Variants in MGST1 observed in about 807,000 individuals in gnomAD.
MGST1 encodes glutathione S-transferase 12.
In MGST1, 5 loss-of-function variants were observed where a neutral mutation model predicts 8.9. That is an observed-to-expected ratio of 0.56 (90% CI 0.29 to 1.19). The LOEUF (loss-of-function observed/expected upper bound fraction) is 1.19, where lower values mean the gene tolerates loss of function less well. MGST1 is among the 50% of genes most tolerant of loss of function. The pLI, the probability that MGST1 is intolerant of heterozygous loss-of-function variation, is 0.08. For missense variants in MGST1, 182 were observed against 187.4 expected, an observed-to-expected ratio of 0.97 and a Z score of 0.17; for synonymous variants, 54 against 67.8, an observed-to-expected ratio of 0.80 and a Z score of 1.00.
At chr12:16,578,336 A>G (rs1943056853) in intron 4 of MGST1, among the ~76,000 whole-genome samples, 1 of 152,164 alleles carries the variant, frequency 6.6e-6, no homozygotes, top group South Asian at 2.1e-4. Flanking sequence ...CCTGAACAAT[A>G]TAAATTAAAA....
intron 1 of MGST1, chr12:16,399,713 T>C (rs1940636562): frequency 8.0e-7 from 1 of 1,252,148 alleles, no homozygotes; most frequent in South Asian, 1.2e-5. Flanking sequence ...CAATGGTCTT[T>C]ATTGCTTTAG....
rs138038119 is a variant in MGST1 at position 16,541,890 on chromosome 12, A to G, written n.483-47638A>G. On this transcript the variant is annotated intron_variant and non_coding_transcript_variant, in intron 4 of 4. Coordinates refer to the MGST1 transcript ENST00000538857. ...GCAGGGGTTGCTTTTGACTACATGT[A>G]ACAGAAACCCAACCAGAGTAACAAA... is the stretch of plus-strand genomic sequence containing the variant. 3.5e-3 allele frequency among the ~76,000 whole-genome samples: 536 copies of G among 152,308 alleles called. 4 individuals carry two copies. The highest frequency in any genetic ancestry group is 0.013 in the African/African-American group (525 of 41,548).
intron 4 of MGST1, among the ~76,000 whole-genome samples, chr12:16,575,357 T>C (rs1333435456): frequency 2.0e-5 from 3 of 152,210 alleles, no homozygotes; most frequent in African/African-American, 7.2e-5. Flanking sequence ...CCAAGTCCTC[T>C]CTGATAATGA....
chr12:16,542,347 A>G (rs11056992), intron 4 of MGST1, among the ~76,000 whole-genome samples: 59,382 of 151,960 alleles, frequency 0.39, 12,294 homozygotes, highest in Non-Finnish European at 0.48. Flanking sequence ...CTCTAATCAA[A>G]AGCATTTATT....
rs866886412 is a variant in MGST1, at chr12:16,513,356, G to A, written n.483-76172G>A. On this transcript the variant is annotated intron_variant and non_coding_transcript_variant, in intron 4 of 4. Transcript: ENST00000538857. This position sits in a 1 kb window ranked among gnomAD's most constrained non-coding sequence, Gnocchi z 4.2. ...GAATTTTATGCTTGCCCTCTGCTCCGTCCTGCGTCTGCCCACTGCCCTCCT... is the reference window on the plus strand; with the variant it reads ...GAATTTTATGCTTGCCCTCTGCTCCATCCTGCGTCTGCCCACTGCCCTCCT... 2.6e-5 allele frequency: 9 copies of A among 346,182 alleles called. No individual in the cohort carries two copies. Among genetic ancestry groups the A allele is most frequent in the African/African-American group, 6.5e-5 (3 of 46,236 alleles). The allele number at this position is 346,182 out of a possible 1,614,324, so 21.4% of individuals were successfully genotyped here.
chr12:16,378,978 G>A (rs557593573), downstream of MGST1, among the ~76,000 whole-genome samples: 132 of 152,210 alleles, frequency 8.7e-4, no homozygotes, highest in African/African-American at 2.9e-3. Context: ...GAATGCTTGT[G>A]ATTTTTGCAC....
chr12:16,480,756 AT>A (rs769670026), intron 4 of MGST1, among the ~76,000 whole-genome samples: 2 of 151,754 alleles, frequency 1.3e-5, no homozygotes, highest in African/African-American at 4.8e-5. Context: ...TCTCTCACAT[AT>A]TTTTTTTGTT....
chr12:16,426,520 C>T (rs1424794195), intron 1 of MGST1, among the ~76,000 whole-genome samples: 3 of 152,162 alleles, frequency 2.0e-5, no homozygotes, highest in Admixed American at 1.3e-4. Context: ...TTCACTTCCT[C>T]AATCATCCAA....
chr12:16,470,547 G>A (rs1941284304), intron 4 of MGST1, among the ~76,000 whole-genome samples: 1 of 152,184 alleles, frequency 6.6e-6, no homozygotes, highest in Non-Finnish European at 1.5e-5. Flanking sequence ...TGTAATTTGT[G>A]TTGTGTTGAT....
At chr12:16,514,370 G>T in intron 4 of MGST1, 1 of 292,824 alleles carries the variant, frequency 3.4e-6, no homozygotes, top group South Asian at 3.3e-5. Context: ...CTACCATTCT[G>T]AATGCTCCAG....
rs778430378 is a variant in MGST1 at position 16,587,302 on chromosome 12, G to A, written n.483-2226G>A. Reference sequence around the variant, plus strand: ...GGATCCAATGCTAACAATTTGTTACGCACTGCAGTGTTACAGCTTTCTAAA... The same window carrying A: ...GGATCCAATGCTAACAATTTGTTACACACTGCAGTGTTACAGCTTTCTAAA... On this transcript the variant is annotated intron_variant and non_coding_transcript_variant, in intron 4 of 4. Transcript: ENST00000538857. This position sits in a 1 kb window ranked among gnomAD's most constrained non-coding sequence, Gnocchi z 4.3. Among the ~76,000 whole-genome samples, 12 of 152,068 alleles carry A rather than the reference G, an allele frequency of 7.9e-5. No homozygotes were observed. Among genetic ancestry groups the A allele is most frequent in the East Asian group, 1.9e-4 (1 of 5,184 alleles).
intron 4 of MGST1, among the ~76,000 whole-genome samples, chr12:16,512,333 A>G (rs1261991304): frequency 6.6e-6 from 1 of 152,200 alleles, no homozygotes; most frequent in Non-Finnish European, 1.5e-5. Context: ...CTGGAGAATA[A>G]CAGGCATTTA....
At chr12:16,464,783 C>G (rs2137128510) in intron 4 of MGST1, among the ~76,000 whole-genome samples, 1 of 152,344 alleles carries the variant, frequency 6.6e-6, no homozygotes, top group Admixed American at 6.5e-5. Context: ...CTTGTGGCCC[C>G]TCCATGCCCT....
At position 16,482,067 on chromosome 12, in the gene MGST1, T is replaced by C. The variant is rs1050914677; in HGVS notation, n.482+98463T>C. ...AGCTAAGGCATATAAAATAATAACA[T>C]TGAGGTGCTGAAAATATAATAGTCA... On this transcript the variant is annotated intron_variant and non_coding_transcript_variant, in intron 4 of 4. Coordinates refer to the MGST1 transcript ENST00000538857. The surrounding 1 kb of genome is among the most constrained non-coding windows in gnomAD (Gnocchi z 4.2). Among the ~76,000 whole-genome samples, 2 of 152,126 alleles carry C rather than the reference T, an allele frequency of 1.3e-5. No individual in the cohort carries two copies. The highest frequency in any genetic ancestry group is 2.4e-5 in the African/African-American group (1 of 41,436).
At chr12:16,391,273 A>ATACAT (rs573626803) in intron 1 of MGST1, among the ~76,000 whole-genome samples, 163 of 151,766 alleles carry the variant, frequency 1.1e-3, no homozygotes, top group Non-Finnish European at 2.0e-3. Flanking sequence ...TAAGCCCCAC[A>ATACAT]TACATTATTT....
In MGST1 at chr12:16,482,145, A is replaced by C. The variant is rs1941368404; in HGVS notation, n.482+98541A>C. On this transcript the variant is annotated intron_variant and non_coding_transcript_variant, in intron 4 of 4. Coordinates refer to the MGST1 transcript ENST00000538857. This position sits in a 1 kb window ranked among gnomAD's most constrained non-coding sequence, Gnocchi z 4.2. Reference sequence around the variant, plus strand: ...TACTTAAAACGCTGAAGGAAAATAAAGATATTTTCATGAAAACCAAAGCAA... The same window carrying C: ...TACTTAAAACGCTGAAGGAAAATAACGATATTTTCATGAAAACCAAAGCAA... Among the ~76,000 whole-genome samples, 1 of 152,238 alleles carries C rather than the reference A, an allele frequency of 6.6e-6. No individual in the cohort carries two copies. The highest frequency in any genetic ancestry group is 6.5e-5 in the Admixed American group (1 of 15,282).
downstream of MGST1, among the ~76,000 whole-genome samples, chr12:16,590,315 C>T (rs540122552): frequency 6.6e-6 from 1 of 152,098 alleles, no homozygotes; most frequent in Admixed American, 6.6e-5. Context: ...TCTCATGTAA[C>T]ATTTGTCTCA....
At chr12:16,495,777 A>T (rs1457216408) in intron 4 of MGST1, among the ~76,000 whole-genome samples, 1 of 151,802 alleles carries the variant, frequency 6.6e-6, no homozygotes, top group Non-Finnish European at 1.5e-5. Context: ...TTCTGCTATC[A>T]ACAGCTTTTA....
At chr12:16,468,535 A>G (rs1347857894) in intron 4 of MGST1, among the ~76,000 whole-genome samples, 1 of 152,174 alleles carries the variant, frequency 6.6e-6, no homozygotes, top group Non-Finnish European at 1.5e-5. Context: ...GATATAGTAC[A>G]TTATGATCAA....
Sources: gnomAD v4.1 joint callset for allele counts (sites outside exome capture counted in the v4.1 genomes callset) on GRCh38, gnomAD v4.1.1 for gene constraint, Gnocchi (gnomAD v3.1) non-coding constraint, MANE v1.5 for transcripts, NCBI Gene and HGNC (gene_info 2026-07-23, HGNC 2026-07-21) for gene names.